RAB3GAP2: variants seen among roughly 807,000 people sequenced by gnomAD.
RAB3GAP2 encodes the protein RAB3 GTPase activating non-catalytic protein subunit 2.
In RAB3GAP2, 87 loss-of-function variants were observed where a neutral mutation model predicts 185.3. The observed-to-expected ratio is 0.47, with a 90% CI of 0.39 to 0.56. RAB3GAP2 has a LOEUF of 0.56. RAB3GAP2 is among the 20% of genes least tolerant of loss of function. RAB3GAP2 has a pLI of 0.00. For synonymous variants in RAB3GAP2, 554 were observed against 576.1 expected (o/e 0.96, Z 0.55); for missense variants, 1,492 against 1,638.2 (o/e 0.91, Z 1.54).
chr1:220,254,110 C>T, intron 1 of RAB3GAP2: 2 of 1,613,878 alleles, frequency 1.2e-6, no homozygotes, highest in Non-Finnish European at 1.7e-6. Flanking sequence ...GCAAAAACAG[C>T]TCTTTTATCT....
At chr1:220,261,801 T>C (rs1325619846) in intron 1 of RAB3GAP2, among the ~76,000 whole-genome samples, 2 of 152,172 alleles carry the variant, frequency 1.3e-5, no homozygotes, top group Non-Finnish European at 2.9e-5. Context: ...CCTCTGCCCA[T>C]AGCAGAGATT....
intron 1 of RAB3GAP2, among the ~76,000 whole-genome samples, chr1:220,259,118 T>C: frequency 6.6e-6 from 1 of 152,166 alleles, no homozygotes; most frequent in East Asian, 1.9e-4. Flanking sequence ...TGCTCATGGA[T>C]AGGAAGAATC....
intron 1 of RAB3GAP2, among the ~76,000 whole-genome samples, chr1:220,250,195 G>A (rs1025941991): frequency 5.3e-5 from 8 of 152,130 alleles, no homozygotes; most frequent in South Asian, 2.1e-4. Context: ...CAAAGCCACA[G>A]GGGGGGAGCT....
At chr1:220,205,285 G>A (rs1658942315) in intron 8 of RAB3GAP2, among the ~76,000 whole-genome samples, 1 of 152,106 alleles carries the variant, frequency 6.6e-6, no homozygotes, top group Non-Finnish European at 1.5e-5. Flanking sequence ...TCATCCCTAA[G>A]TCACAAAATG....
chr1:220,166,906 A>G (rs759291476), intron 26 of RAB3GAP2, among the ~76,000 whole-genome samples: 21 of 152,222 alleles, frequency 1.4e-4, no homozygotes, highest in Non-Finnish European at 2.5e-4. Context: ...GGGCCATTTC[A>G]TGCAGGAATT....
At chr1:220,211,176 T>A in intron 4 of RAB3GAP2, 174 bp from the exon 5 acceptor site, 1 of 707,204 alleles carries the variant, frequency 1.4e-6, no homozygotes, top group Non-Finnish European at 2.5e-6. Context: ...TCCATAAAAT[T>A]CATTCACACA....
chr1:220,209,633 G>A (rs1034840134), intron 7 of RAB3GAP2, among the ~76,000 whole-genome samples: 4 of 152,006 alleles, frequency 2.6e-5, no homozygotes, highest in African/African-American at 9.7e-5. Flanking sequence ...TCTCCTACGA[G>A]ATAGTTAAGA....
intron 2 of RAB3GAP2, among the ~76,000 whole-genome samples, chr1:220,230,995 GCTA>G (rs1659489218): frequency 6.6e-6 from 1 of 152,092 alleles, no homozygotes; most frequent in East Asian, 1.9e-4. Context: ...TCTCAACTAA[GCTA>G]CTGCAACAGC....
rs1658178502 is a variant in RAB3GAP2, at chr1:220,171,587, C to T, written c.2577+302G>A. ...ACAATGTTAAGTGAATCTCCACAGACCTATTTAGGTGTCTCATCCAAATTA... is the reference window on the plus strand; with the variant it reads ...ACAATGTTAAGTGAATCTCCACAGATCTATTTAGGTGTCTCATCCAAATTA... On this transcript the variant is annotated intron_variant, in intron 23 of 34. Coordinates refer to ENST00000358951, the MANE Select transcript of RAB3GAP2 (RefSeq NM_012414.4). Among the ~76,000 whole-genome samples the T allele has an allele frequency of 2.0e-5, 3 of 152,202 alleles. 1 individual carries two copies. The highest frequency in any genetic ancestry group is 4.4e-5 in the Non-Finnish European group (3 of 68,010).
At chr1:220,259,030 G>A (rs1467742116) in intron 1 of RAB3GAP2, among the ~76,000 whole-genome samples, 1 of 152,176 alleles carries the variant, frequency 6.6e-6, no homozygotes, top group African/African-American at 2.4e-5. Context: ...AACAAAGGAA[G>A]TGAAGGACCT....
intron 1 of RAB3GAP2, chr1:220,253,885 GT>G: frequency 6.2e-7 from 1 of 1,613,534 alleles, no homozygotes. Flanking sequence ...ACAGAAAAAT[GT>G]TGAAGTGAAA....
At chr1:220,222,035 A>C (rs989086186) in intron 2 of RAB3GAP2, among the ~76,000 whole-genome samples, 1 of 152,218 alleles carries the variant, frequency 6.6e-6, no homozygotes, top group Non-Finnish European at 1.5e-5. Context: ...GGTACCAGTA[A>C]GATCCAGTGT....
rs758438512 is a variant in RAB3GAP2 at position 220,195,106 on chromosome 1, C to T, written c.1102G>A (p.Val368Ile). 3.1e-6 allele frequency: 5 copies of T among 1,614,024 alleles called. No individual in the cohort carries two copies. In the Admixed American group the frequency reaches 8.3e-5, roughly 27 times the overall value. ...EEAVQKQKPK[V>I]EPATPLAVRF... ...ACAGCTAATGGGGTAGCTGGCTCAA[C>T]CTTCGGCTTTTGCTTTTGGACAGCT... The change falls in exon 12 of 35, where the codon GTT becomes ATT. Residue 368 changes from valine (V) to isoleucine (I), a missense_variant. Val to Ile is a conservative substitution (Grantham distance 29). Coordinates refer to ENST00000358951, the MANE Select transcript of RAB3GAP2 (RefSeq NM_012414.4).
intron 28 of RAB3GAP2, among the ~76,000 whole-genome samples, chr1:220,161,195 A>G (rs1657957724): frequency 3.9e-5 from 6 of 152,224 alleles, no homozygotes; most frequent in Admixed American, 3.9e-4. Context: ...AGATGAGCAC[A>G]GAGGAAAGAA....
intron 2 of RAB3GAP2, among the ~76,000 whole-genome samples, chr1:220,215,092 T>C (rs981434316): frequency 6.6e-5 from 10 of 151,850 alleles, no homozygotes; most frequent in Non-Finnish European, 1.0e-4. Context: ...GGATGCACTA[T>C]AATTTATTTA....
chr1:220,153,962 A>G lies in RAB3GAP2; in HGVS notation c.3645+6T>C. ...ACAAAAACAAAATCCAATAGCTATA[A>G]TTTACCTGTTGTCGTACAGAAATAA... On this transcript the variant is annotated splice_donor_region_variant and intron_variant, in intron 32 of 34. Transcript: ENST00000358951. 1.2e-6 allele frequency: 2 copies of G among 1,613,252 alleles called. No homozygotes were observed. Among genetic ancestry groups the G allele is most frequent in the South Asian group, 2.2e-5 (2 of 91,066 alleles).
chr1:220,153,709 A>G, intron 32 of RAB3GAP2: 1 of 439,182 alleles, frequency 2.3e-6, no homozygotes, highest in Non-Finnish European at 4.1e-6. Context: ...CCCTTAAGTC[A>G]TCATTTACAT....
chr1:220,151,633 G>A lies in RAB3GAP2; in HGVS notation c.3999C>T (p.Pro1333=), dbSNP rs539609673. 170 of 1,611,996 alleles carry A rather than the reference G, an allele frequency of 1.1e-4. 2 individuals carry two copies. The South Asian group carries it at 1.6e-3, about 16-fold the overall frequency. ...TTGCTTTCAGCCAAGTACACAGTGT[G>A]GGTGGAAGTCTGGCAAGCAGCTCCA... ...EGMELLARLP[P]TLCTWLKAMD... The change falls in exon 34 of 35, where the codon CCC becomes CCT. Residue 1333 remains proline, a synonymous_variant. Coordinates refer to ENST00000358951, the MANE Select transcript of RAB3GAP2 (RefSeq NM_012414.4).
At chr1:220,177,806 G>A (rs1212567152) in intron 21 of RAB3GAP2, among the ~76,000 whole-genome samples, 1 of 152,154 alleles carries the variant, frequency 6.6e-6, no homozygotes, top group East Asian at 1.9e-4. Context: ...AAGGTCTATA[G>A]GATCTATAAA....
Sources: allele counts gnomAD v4.1 joint callset (sites outside exome capture counted in the v4.1 genomes callset), GRCh38; gene constraint gnomAD v4.1.1; transcripts MANE v1.5; gene names NCBI Gene and HGNC (gene_info 2026-07-23, HGNC 2026-07-21).